DNAH17: variants seen among roughly 807,000 people sequenced by gnomAD.
DNAH17 encodes axonemal beta dynein heavy chain 17.
Under a neutral mutation model 485.6 loss-of-function variants are expected in DNAH17, and 376 were observed. That is an observed-to-expected ratio of 0.77 (90% CI 0.71 to 0.84). DNAH17 has a LOEUF of 0.84. Ranked by LOEUF, DNAH17 falls within the 40% of genes least tolerant of loss-of-function variation. The pLI is 0.00. For missense variants in DNAH17, 6,370 were observed against 5,839.3 expected, an observed-to-expected ratio of 1.09 and a Z score of -2.96; for synonymous variants, 3,031 against 2,405.9, an observed-to-expected ratio of 1.26 and a Z score of -7.60.
intron 72 of DNAH17, among the ~76,000 whole-genome samples, chr17:78,440,401 C>T (rs1438063194): frequency 1.3e-5 from 2 of 151,750 alleles, no homozygotes; most frequent in African/African-American, 4.8e-5. Context: ...GGACTACAGG[C>T]GTACACCACC....
At chr17:78,566,787 A>AC in intron 10 of DNAH17, 57 bp from the exon 11 acceptor site, 7 of 1,438,582 alleles carry the variant, frequency 4.9e-6, no homozygotes, top group Non-Finnish European at 6.7e-6. Context: ...AGCCAAGGGC[A>AC]CCCTCTCCAG....
At chr17:78,468,930 C>T in intron 54 of DNAH17, 47 bp from the exon 55 acceptor site, 1 of 1,573,144 alleles carries the variant, frequency 6.4e-7, no homozygotes, top group South Asian at 1.2e-5. Flanking sequence ...AAAAGATGCT[C>T]AATTAGAGAC....
At chr17:78,458,768 G>A (rs1242600188) in intron 61 of DNAH17, 88 bp from the exon 62 acceptor site, 23 of 1,274,406 alleles carry the variant, frequency 1.8e-5, no homozygotes, top group Non-Finnish European at 2.4e-5. Flanking sequence ...CCCTGTGAGC[G>A]CTGAGCGTGG....
chr17:78,501,471 C>T (rs1432780589), intron 34 of DNAH17, 127 bp from the exon 35 acceptor site: 1 of 1,204,440 alleles, frequency 8.3e-7, no homozygotes, highest in Non-Finnish European at 1.1e-6. Flanking sequence ...CCTCTTTCCC[C>T]CTCCAGCACC....
In DNAH17 at chr17:78,484,976, G is replaced by C. The variant is rs1219549127; in HGVS notation, c.7541C>G (p.Thr2514Ser). Reference sequence around the variant, plus strand: ...GTCGATGAAGTAGACGAGCTTCTTAGTGCCTGGCGGCCCGTAGTTCCTCCC... The same window carrying C: ...GTCGATGAAGTAGACGAGCTTCTTACTGCCTGGCGGCCCGTAGTTCCTCCC... ...KSGRNYGPPG[T>S]KKLVYFIDDM... is the part of the protein sequence containing the mutation. The change falls in exon 48 of 81, where the codon ACT becomes AGT. Residue 2514 changes from threonine (T) to serine (S), a missense_variant. By Grantham distance (58) the Thr-to-Ser change is moderately conservative. Transcript: ENST00000389840. 2 of 1,613,480 alleles carry C rather than the reference G, an allele frequency of 1.2e-6. No homozygotes were observed. The highest frequency in any genetic ancestry group is 3.3e-5 in the Admixed American group (2 of 59,944).
intron 32 of DNAH17, 41 bp from the exon 33 acceptor site, chr17:78,502,739 C>A: frequency 1.3e-6 from 2 of 1,599,850 alleles, no homozygotes; most frequent in Admixed American, 3.5e-5. Context: ...AGTGAGCGAT[C>A]GCTGGCGCCT....
At chr17:78,510,750 G>GCCCCCCCCC (rs2090612882) in intron 26 of DNAH17, 1 of 306,164 alleles carries the variant, frequency 3.3e-6, no homozygotes, top group African/African-American at 5.6e-5. Flanking sequence ...GCGGAATTGC[G>GCCCCCCCCC]GCCCCCCCGC....
intron 31 of DNAH17, among the ~76,000 whole-genome samples, chr17:78,504,670 AG>A (rs1227926140): frequency 6.6e-6 from 1 of 151,874 alleles, no homozygotes; most frequent in African/African-American, 2.4e-5. Flanking sequence ...GAGACAGGGG[AG>A]GGGGCAGCCC....
chr17:78,542,510 A>G (rs925365713), intron 17 of DNAH17, among the ~76,000 whole-genome samples: 1 of 152,194 alleles, frequency 6.6e-6, no homozygotes, highest in East Asian at 1.9e-4. Flanking sequence ...CACCTTTCAC[A>G]TTCTCCTCAG....
chr17:78,473,995 G>A (rs946145191), intron 54 of DNAH17, among the ~76,000 whole-genome samples: 18 of 152,170 alleles, frequency 1.2e-4, no homozygotes, highest in Admixed American at 1.2e-3. Flanking sequence ...AAAAAGAGCA[G>A]GCCGGCCCCT....
chr17:78,476,737 C>T lies in DNAH17; in HGVS notation c.7993-4G>A. Reference sequence around the variant, plus strand: ...CTGCTGTGGAAAATAAGAGTCCCTGCCCCAAACACAGGATGATCAGCACCG... The same window carrying T: ...CTGCTGTGGAAAATAAGAGTCCCTGTCCCAAACACAGGATGATCAGCACCG... On this transcript the variant is annotated splice_region_variant and splice_polypyrimidine_tract_variant and intron_variant, in intron 51 of 80. Transcript: ENST00000389840. 1.9e-6 allele frequency: 3 copies of T among 1,610,722 alleles called. No homozygotes were observed. The highest frequency in any genetic ancestry group is 1.1e-5 in the South Asian group (1 of 90,334).
intron 33 of DNAH17, 156 bp downstream of exon 33, chr17:78,502,435 T>A: frequency 1.6e-6 from 1 of 635,142 alleles, no homozygotes; most frequent in East Asian, 2.9e-5. Context: ...GTGGCTGTTA[T>A]TTGGCCTGTG....
At chr17:78,524,262 C>T (rs1180930160) in intron 25 of DNAH17, among the ~76,000 whole-genome samples, 9 of 152,120 alleles carry the variant, frequency 5.9e-5, no homozygotes, top group South Asian at 4.1e-4. Flanking sequence ...CTCAGCTTCC[C>T]GAGTAGCTGG....
chr17:78,564,549 T>C (rs536815867), intron 11 of DNAH17, among the ~76,000 whole-genome samples: 46 of 148,756 alleles, frequency 3.1e-4, no homozygotes, highest in Middle Eastern at 6.8e-3. Context: ...ATTGGCTCCA[T>C]TGGGACCCTT....
At chr17:78,565,223 C>T (rs1030699539) in intron 11 of DNAH17, among the ~76,000 whole-genome samples, 11 of 152,224 alleles carry the variant, frequency 7.2e-5, no homozygotes, top group Admixed American at 1.3e-4. Flanking sequence ...TGGTATAAAT[C>T]GTGAGTAAGG....
intron 9 of DNAH17, among the ~76,000 whole-genome samples, chr17:78,568,503 A>G (rs2092303746): frequency 6.6e-6 from 1 of 152,228 alleles, no homozygotes; most frequent in Non-Finnish European, 1.5e-5. Context: ...TACACCATGC[A>G]GAAGATACAA....
At chr17:78,505,594 A>T in intron 30 of DNAH17, 149 bp from the exon 31 acceptor site, 1 of 1,046,696 alleles carries the variant, frequency 9.6e-7, no homozygotes, top group Middle Eastern at 2.8e-4. Flanking sequence ...TGACTAAGTC[A>T]ACAAAAGGAA....
At chr17:78,466,290 C>G (rs1400885863) in intron 56 of DNAH17, among the ~76,000 whole-genome samples, 1 of 152,192 alleles carries the variant, frequency 6.6e-6, no homozygotes, top group Non-Finnish European at 1.5e-5. Context: ...GACACAAACA[C>G]TGCCGAAGGC....
intron 75 of DNAH17, 105 bp downstream of exon 75, chr17:78,433,924 G>GGAAGGAGGGAGAGAAGGAGGGAGA (rs1451724278): frequency 2.6e-6 from 2 of 765,778 alleles, no homozygotes; most frequent in African/African-American, 7.5e-5. Flanking sequence ...AGGGAGGGAA[G>GGAAGGAGGGAGAGAAGGAGGGAGA]GAAGGAGGGA....
Sources: allele counts gnomAD v4.1 joint callset (sites outside exome capture counted in the v4.1 genomes callset), GRCh38; gene constraint gnomAD v4.1.1; transcripts MANE v1.5; gene names NCBI Gene and HGNC (gene_info 2026-07-23, HGNC 2026-07-21).